KCTD1: variants seen among roughly 807,000 people sequenced by gnomAD.
KCTD1 encodes potassium channel tetramerization domain containing 1.
KCTD1 carries 24 observed loss-of-function variants against 66.0 expected under a neutral mutation model. That is an observed-to-expected ratio of 0.36 (90% CI 0.26 to 0.51). The LOEUF (loss-of-function observed/expected upper bound fraction) is 0.51. Among genes scored for constraint, KCTD1 ranks in the 20% least tolerant of loss-of-function variants. KCTD1 has a pLI of 0.95. For missense variants in KCTD1, 943 were observed against 1,205.2 expected, an observed-to-expected ratio of 0.78 and a Z score of 3.22; for synonymous variants, 511 against 517.2, an observed-to-expected ratio of 0.99 and a Z score of 0.16.
At chr18:26,629,878 C>A (rs1328242455), upstream of KCTD1, among the ~76,000 whole-genome samples, 2 of 152,016 alleles carry the variant, frequency 1.3e-5, no homozygotes, top group Non-Finnish European at 2.9e-5. Context: ...CCACCATGAC[C>A]AGCTAATTTT....
intron 1 of KCTD1, among the ~76,000 whole-genome samples, chr18:26,592,111 G>A (rs1319650287): frequency 1.3e-5 from 2 of 152,078 alleles, no homozygotes; most frequent in Non-Finnish European, 2.9e-5. Flanking sequence ...GTGTAATAAA[G>A]GCTCATACAG....
In KCTD1 at chr18:26,520,482, TTAC is replaced by T. The variant is rs372607976; in HGVS notation, c.1810-19235_1810-19233del. ...TTTTTAATTGCCACTTAAGCTGAAA[TTAC>T]TACCTCTTCAAGATTTATACGAAGA... is the stretch of plus-strand genomic sequence containing the variant. On this transcript the variant is annotated intron_variant, in intron 1 of 4. Transcript: ENST00000580059. Among the ~76,000 whole-genome samples the T allele has an allele frequency of 4.6e-4, 69 of 151,392 alleles. No homozygotes were observed. In the East Asian group the frequency reaches 7.1e-3, roughly 16 times the overall value.
chr18:26,537,475 A>G (rs1461757183), intron 1 of KCTD1, among the ~76,000 whole-genome samples: 1 of 152,230 alleles, frequency 6.6e-6, no homozygotes, highest in East Asian at 1.9e-4. Flanking sequence ...AACAAGTCAC[A>G]AAAGATCATT....
intron 2 of KCTD1, among the ~76,000 whole-genome samples, chr18:26,477,594 A>G (rs1981416179): frequency 6.6e-6 from 1 of 152,196 alleles, no homozygotes; most frequent in Non-Finnish European, 1.5e-5. Context: ...TGTTGCTCTG[A>G]AGATGATTTT....
intron 1 of KCTD1, among the ~76,000 whole-genome samples, chr18:26,626,815 A>C (rs1987512623): frequency 6.6e-6 from 1 of 152,222 alleles, no homozygotes; most frequent in Non-Finnish European, 1.5e-5. Context: ...ATCCATGGGC[A>C]GATGAGGGGG....
chr18:26,600,798 A>ACGAGGAGGT (rs1986877142), intron 1 of KCTD1, among the ~76,000 whole-genome samples: 1 of 151,870 alleles, frequency 6.6e-6, no homozygotes, highest in Non-Finnish European at 1.5e-5. Context: ...CAAGTGTCTC[A>ACGAGGAGGT]CAACCTCCTC....
chr18:26,631,234 T>C (rs1447681858), upstream of KCTD1, among the ~76,000 whole-genome samples: 1 of 152,234 alleles, frequency 6.6e-6, no homozygotes, highest in Middle Eastern at 3.2e-3. Context: ...ATTACATTCA[T>C]GTATCACTTA....
intron 1 of KCTD1, among the ~76,000 whole-genome samples, chr18:26,511,754 C>T (rs1472205006): frequency 2.6e-5 from 4 of 152,224 alleles, no homozygotes; most frequent in African/African-American, 9.6e-5. Context: ...CTAGGCTATA[C>T]ATGCTCTGAC....
chr18:26,509,168 A>AC (rs1431134861), intron 1 of KCTD1, among the ~76,000 whole-genome samples: 3 of 151,850 alleles, frequency 2.0e-5, no homozygotes, highest in East Asian at 1.9e-4. Flanking sequence ...TAAAAAAAAA[A>AC]AAACAAACTC....
At chr18:26,615,105 C>A (rs933457436) in intron 1 of KCTD1, among the ~76,000 whole-genome samples, 2 of 152,166 alleles carry the variant, frequency 1.3e-5, no homozygotes, top group Non-Finnish European at 2.9e-5. Context: ...AACATCCTCC[C>A]CACCTGGGCA....
At chr18:26,525,633 C>T (rs1445326053) in intron 1 of KCTD1, among the ~76,000 whole-genome samples, 1 of 152,202 alleles carries the variant, frequency 6.6e-6, no homozygotes, top group Non-Finnish European at 1.5e-5. Flanking sequence ...GCCCTACTCC[C>T]CTGATAACCA....
chr18:26,563,628 G>A (rs1012629970), intron 1 of KCTD1, among the ~76,000 whole-genome samples: 11 of 152,188 alleles, frequency 7.2e-5, no homozygotes, highest in Admixed American at 2.0e-4. Flanking sequence ...GTATAGTGGC[G>A]AGTGTATGGG....
At chr18:26,538,559 G>C (rs1984820193) in intron 1 of KCTD1, among the ~76,000 whole-genome samples, 1 of 152,108 alleles carries the variant, frequency 6.6e-6, no homozygotes. Flanking sequence ...TGCAGCACCT[G>C]GACAAGCTAC....
chr18:26,552,558 G>C (rs963002934), upstream of KCTD1, among the ~76,000 whole-genome samples: 2 of 152,176 alleles, frequency 1.3e-5, no homozygotes, highest in African/African-American at 4.8e-5. Context: ...TAACTACAAG[G>C]CAACATTATT....
At chr18:26,594,716 T>C (rs1986726858) in intron 1 of KCTD1, among the ~76,000 whole-genome samples, 1 of 152,250 alleles carries the variant, frequency 6.6e-6, no homozygotes, top group Admixed American at 6.5e-5. Flanking sequence ...TGAGAAGATA[T>C]TTTGGAATGA....
intron 1 of KCTD1, among the ~76,000 whole-genome samples, chr18:26,512,517 A>G (rs1598908340): frequency 6.6e-6 from 1 of 152,174 alleles, no homozygotes; most frequent in East Asian, 1.9e-4. Context: ...TGTGTTCATA[A>G]AAAGTTCATT....
intron 1 of KCTD1, among the ~76,000 whole-genome samples, chr18:26,588,965 C>T (rs1034003370): frequency 6.6e-6 from 1 of 151,328 alleles, no homozygotes; most frequent in Non-Finnish European, 1.5e-5. Flanking sequence ...AACTCAGATC[C>T]CTAGGCTCCC....
chr18:26,591,468 A>C (rs943672523), intron 1 of KCTD1: 1 of 152,122 alleles, frequency 6.6e-6, no homozygotes, highest in African/African-American at 2.4e-5. Flanking sequence ...TACTACTAAT[A>C]ATTTAAAAAG....
At chr18:26,484,927 C>T (rs557492860) in intron 2 of KCTD1, among the ~76,000 whole-genome samples, 95 of 152,266 alleles carry the variant, frequency 6.2e-4, no homozygotes, top group African/African-American at 2.2e-3. Context: ...TGATGGGTGA[C>T]GTACAGACAC....
Sources: gnomAD v4.1 joint callset for allele counts (sites outside exome capture counted in the v4.1 genomes callset) on GRCh38, gnomAD v4.1.1 for gene constraint, MANE v1.5 for transcripts, NCBI Gene and HGNC (gene_info 2026-07-23, HGNC 2026-07-21) for gene names.